The following RABEPK variants were observed in gnomAD, a reference collection of about 807,000 sequenced individuals.
The protein encoded by RABEPK is Rab9 effector protein with kelch motifs.
A neutral mutation model predicts 34.1 loss-of-function variants in RABEPK; 27 were observed. The ratio of observed to expected loss-of-function variants is 0.79; its 90% confidence interval spans 0.58 to 1.09. The LOEUF is 1.09. Among genes scored for constraint, RABEPK ranks in the 50% least tolerant of loss-of-function variants. The probability of loss-of-function intolerance (pLI) is 0.00; values close to 1 mark genes in which losing one functional copy is unlikely to be tolerated. For synonymous variants in RABEPK, 172 were observed against 169.2 expected (o/e 1.02, Z -0.13); for missense variants, 449 against 462.6 (o/e 0.97, Z 0.27).
chr9:125,221,623 C>A (rs1052701177), intron 5 of RABEPK: 2 of 151,720 alleles, frequency 1.3e-5, no homozygotes, highest in African/African-American at 2.4e-5. Flanking sequence ...AAAGATTCCC[C>A]TTCAGCCTTT....
chr9:125,207,797 A>G, intron 3 of RABEPK, 76 bp downstream of exon 3: 1 of 1,541,748 alleles, frequency 6.5e-7, no homozygotes, highest in African/African-American at 1.4e-5. Context: ...TGAGCAGGGC[A>G]TTCCTAAAAA....
chr9:125,220,267 G>A (rs1333533033), intron 4 of RABEPK: 2 of 1,319,708 alleles, frequency 1.5e-6, no homozygotes, highest in Non-Finnish European at 1.9e-6. Context: ...CTCCCAAAGT[G>A]CTGGGATTAC....
chr9:125,203,692 C>T (rs1830039844), intron 2 of RABEPK, among the ~76,000 whole-genome samples: 1 of 152,112 alleles, frequency 6.6e-6, no homozygotes, highest in Non-Finnish European at 1.5e-5. Flanking sequence ...CATGGCATTT[C>T]CTAGTTTAAA....
intron 5 of RABEPK, among the ~76,000 whole-genome samples, chr9:125,224,229 CAG>C (rs982655656): frequency 2.0e-5 from 3 of 149,450 alleles, no homozygotes; most frequent in East Asian, 2.0e-4. Context: ...AAAAAAACAA[CAG>C]AGTTTTTGCA....
chr9:125,225,444 G>A (rs1272565775), intron 5 of RABEPK, among the ~76,000 whole-genome samples: 3 of 152,024 alleles, frequency 2.0e-5, no homozygotes, highest in African/African-American at 7.2e-5. Flanking sequence ...AGCACTTTGG[G>A]AGGCCCAGGG....
At chr9:125,229,347 C>T (rs186247691) in intron 6 of RABEPK, among the ~76,000 whole-genome samples, 15 of 152,118 alleles carry the variant, frequency 9.9e-5, no homozygotes, top group African/African-American at 1.7e-4. Flanking sequence ...GCAGGAGAAT[C>T]GCTGGAACCT....
At chr9:125,227,809 A>T in intron 5 of RABEPK, 101 bp from the exon 6 acceptor site, 1 of 1,190,192 alleles carries the variant, frequency 8.4e-7, no homozygotes, top group Non-Finnish European at 1.1e-6. Context: ...CCTGCATGGG[A>T]CAGCTCCGCT....
At chr9:125,206,971 C>T (rs1352565775) in intron 2 of RABEPK, among the ~76,000 whole-genome samples, 2 of 151,924 alleles carry the variant, frequency 1.3e-5, no homozygotes, top group African/African-American at 2.4e-5. Flanking sequence ...TGCCTGTAAT[C>T]CCAGCTGCTA....
Position 125,200,603 on chromosome 9 carries a change from A to G in RABEPK, c.-310A>G, listed in dbSNP as rs1341660497. ...GTATTGCAGTCCGGGGCTGGAGGGTAGGGGCGAGGGTCCCCGGATACCGGG... is the reference window on the plus strand; with the variant it reads ...GTATTGCAGTCCGGGGCTGGAGGGTGGGGGCGAGGGTCCCCGGATACCGGG... On this transcript the variant is annotated 5_prime_UTR_variant, in exon 1 of 8. Transcript: ENST00000373538. The G allele has an allele frequency of 2.2e-6, 1 of 450,384 alleles. No homozygotes were observed. The highest frequency in any genetic ancestry group is 3.4e-4 in the Middle Eastern group (1 of 2,936). The allele number at this position is 450,384 out of a possible 1,614,324, so 27.9% of individuals were successfully genotyped here. A position where few individuals can be genotyped will look rare whatever the true frequency, so the allele number is the denominator to read the frequency against.
At chr9:125,203,202 C>A in intron 2 of RABEPK, 136 bp downstream of exon 2, 1 of 683,522 alleles carries the variant, frequency 1.5e-6, no homozygotes. Flanking sequence ...TAGACTCAAA[C>A]TGTCTGAGAA....
intron 4 of RABEPK, 197 bp from the exon 5 acceptor site, chr9:125,220,342 G>T (rs1046184552): frequency 2.1e-6 from 3 of 1,446,088 alleles, no homozygotes; most frequent in Non-Finnish European, 2.7e-6. Flanking sequence ...AAATCTTGGG[G>T]ATTTTGGACT....
intron 4 of RABEPK, among the ~76,000 whole-genome samples, chr9:125,218,309 G>T: frequency 9.3e-6 from 1 of 107,146 alleles, no homozygotes; most frequent in Admixed American, 1.4e-4. Flanking sequence ...GAGCCACAGC[G>T]AGACTCCGTC....
At chr9:125,211,218 T>C (rs1212374728) in intron 3 of RABEPK, among the ~76,000 whole-genome samples, 1 of 150,872 alleles carries the variant, frequency 6.6e-6, no homozygotes, top group Non-Finnish European at 1.5e-5. Flanking sequence ...GCCTGGGTGA[T>C]AGGGCGAGAC....
At chr9:125,212,273 G>A (rs1830636881) in intron 3 of RABEPK, among the ~76,000 whole-genome samples, 1 of 152,156 alleles carries the variant, frequency 6.6e-6, no homozygotes, top group Non-Finnish European at 1.5e-5. Flanking sequence ...TGTCACCCAG[G>A]CTGGAGCGCA....
intron 6 of RABEPK, among the ~76,000 whole-genome samples, chr9:125,228,278 T>C (rs1324517265): frequency 6.6e-6 from 1 of 152,096 alleles, no homozygotes; most frequent in African/African-American, 2.4e-5. Flanking sequence ...AATTTTATTT[T>C]GGTAGAGATG....
In RABEPK at chr9:125,233,818, G is replaced by C; in HGVS notation, c.957G>C (p.Leu319=). The C allele has an allele frequency of 6.2e-7, 1 of 1,614,112 alleles. No homozygotes were observed. Among genetic ancestry groups the C allele is most frequent in the Non-Finnish European group, 8.5e-7 (1 of 1,180,028 alleles). ...AAGAAGATTCCAACTCTCTCACTCT[G>C]AACCATGAAGCTGAGAAAGAGGATT... ...SEKEDSNSLT[L]NHEAEKEDSA... is the part of the protein sequence containing the mutation. The change falls in exon 8 of 8, where the codon CTG becomes CTC. Residue 319 remains leucine, a synonymous_variant. Coordinates refer to ENST00000373538, the MANE Select transcript of RABEPK (RefSeq NM_005833.4).
intron 3 of RABEPK, among the ~76,000 whole-genome samples, chr9:125,209,129 C>T (rs1209981129): frequency 6.8e-6 from 1 of 148,118 alleles, no homozygotes; most frequent in African/African-American, 2.5e-5. Context: ...GCTGCAAACT[C>T]GGCTTACTGC....
intron 3 of RABEPK, among the ~76,000 whole-genome samples, 191 bp from the exon 4 acceptor site, chr9:125,213,179 G>A (rs1362473831): frequency 6.6e-6 from 1 of 152,142 alleles, no homozygotes; most frequent in Non-Finnish European, 1.5e-5. Context: ...ATAGAACGGG[G>A]TCTATGGACT....
At chr9:125,211,823 G>T (rs1167712072) in intron 3 of RABEPK, among the ~76,000 whole-genome samples, 1 of 152,140 alleles carries the variant, frequency 6.6e-6, no homozygotes, top group Non-Finnish European at 1.5e-5. Context: ...ACAAAAATTA[G>T]CCAGGCATAG....
Sources: allele counts gnomAD v4.1 joint callset (sites outside exome capture counted in the v4.1 genomes callset), GRCh38; gene constraint gnomAD v4.1.1; transcripts MANE v1.5; gene names NCBI Gene and HGNC (gene_info 2026-07-23, HGNC 2026-07-21).